Variants in CTNNA3 observed in about 807,000 individuals in gnomAD.
CTNNA3 encodes the protein catenin alpha-3.
CTNNA3 carries 76 observed loss-of-function variants against 95.7 expected under a neutral mutation model. The observed-to-expected ratio is 0.79, with a 90% CI of 0.66 to 0.96. The LOEUF is 0.96. Ranked by LOEUF, CTNNA3 falls within the 40% of genes least tolerant of loss-of-function variation. CTNNA3 has a pLI of 0.00. For missense variants in CTNNA3, 1,191 were observed against 1,089.8 expected (o/e 1.09, Z -1.31); for synonymous variants, 431 against 374.4 (o/e 1.15, Z -1.74).
chr10:66,666,101 A>T (rs1414201120), intron 9 of CTNNA3, among the ~76,000 whole-genome samples: 3 of 152,166 alleles, frequency 2.0e-5, no homozygotes, highest in Admixed American at 6.5e-5. Flanking sequence ...GTTGGTAACC[A>T]GTTGGGGCCA....
chr10:66,521,784 C>T (rs1841075783), intron 10 of CTNNA3, among the ~76,000 whole-genome samples: 1 of 152,160 alleles, frequency 6.6e-6, no homozygotes, highest in Non-Finnish European at 1.5e-5. Context: ...TTCCAACTCT[C>T]AGTAGCCATT....
chr10:66,428,109 T>A (rs1227880657), intron 11 of CTNNA3, among the ~76,000 whole-genome samples: 4 of 152,062 alleles, frequency 2.6e-5, no homozygotes, highest in Non-Finnish European at 4.4e-5. Flanking sequence ...AATCCTAGTC[T>A]CTGATAAAAC....
At chr10:67,498,920 C>G (rs1220674232) in intron 5 of CTNNA3, among the ~76,000 whole-genome samples, 1 of 152,152 alleles carries the variant, frequency 6.6e-6, no homozygotes. Flanking sequence ...TTTGAATATG[C>G]TTTATTTCTT....
intron 12 of CTNNA3, among the ~76,000 whole-genome samples, chr10:66,331,869 T>C (rs1368953874): frequency 2.6e-5 from 4 of 152,078 alleles, no homozygotes; most frequent in African/African-American, 9.7e-5. Flanking sequence ...GGGGATGGCA[T>C]TGAATCTATA....
chr10:66,768,392 G>C (rs1396521313), intron 8 of CTNNA3, among the ~76,000 whole-genome samples: 1 of 152,096 alleles, frequency 6.6e-6, no homozygotes, highest in Non-Finnish European at 1.5e-5. Flanking sequence ...GGACCTCTTA[G>C]GAAACACTAT....
At chr10:67,392,474 C>T (rs1484303825) in intron 5 of CTNNA3, among the ~76,000 whole-genome samples, 1 of 152,220 alleles carries the variant, frequency 6.6e-6, no homozygotes, top group Non-Finnish European at 1.5e-5. Context: ...TAAACTACTT[C>T]AACCATTGTG....
intron 13 of CTNNA3, among the ~76,000 whole-genome samples, chr10:66,105,482 A>G (rs868203059): frequency 2.2e-4 from 34 of 152,144 alleles, no homozygotes; most frequent in African/African-American, 7.2e-4. Flanking sequence ...TCTGCTGTTT[A>G]TTACTTGGGT....
intron 10 of CTNNA3, among the ~76,000 whole-genome samples, chr10:66,529,647 T>C (rs1047773352): frequency 1.3e-5 from 2 of 152,080 alleles, no homozygotes; most frequent in Non-Finnish European, 2.9e-5. Context: ...GTAGGAGTTA[T>C]AAAAATAACA....
intron 13 of CTNNA3, among the ~76,000 whole-genome samples, chr10:66,230,648 C>T (rs1464622219): frequency 1.3e-5 from 2 of 152,020 alleles, no homozygotes; most frequent in South Asian, 2.1e-4. Context: ...TGACAGGCTC[C>T]TCATGGGACA....
chr10:67,187,635 G>A (rs755668929), intron 6 of CTNNA3, among the ~76,000 whole-genome samples: 1 of 151,866 alleles, frequency 6.6e-6, no homozygotes, highest in Non-Finnish European at 1.5e-5. Context: ...CACCCAGGCT[G>A]AGTGCAGTTG....
At chr10:66,083,661 C>A (rs1277677665) in intron 14 of CTNNA3, among the ~76,000 whole-genome samples, 1 of 152,272 alleles carries the variant, frequency 6.6e-6, no homozygotes, top group Non-Finnish European at 1.5e-5. Flanking sequence ...TTCTTCTACG[C>A]TAGTTATGAC....
At chr10:67,584,887 T>C (rs1009718521) in intron 3 of CTNNA3, among the ~76,000 whole-genome samples, 1 of 152,242 alleles carries the variant, frequency 6.6e-6, no homozygotes, top group Admixed American at 6.5e-5. Flanking sequence ...TATAATCTCC[T>C]GGTGTGCCGT....
intron 13 of CTNNA3, among the ~76,000 whole-genome samples, chr10:66,110,310 C>T (rs1250184263): frequency 1.4e-5 from 2 of 146,692 alleles, no homozygotes; most frequent in African/African-American, 5.1e-5. Flanking sequence ...TGCAGTGAGC[C>T]AATATCATGC....
intron 11 of CTNNA3, among the ~76,000 whole-genome samples, chr10:66,398,095 A>T (rs2092993365): frequency 6.6e-6 from 1 of 151,922 alleles, no homozygotes; most frequent in South Asian, 2.1e-4. Context: ...ACCAATTTAC[A>T]AATATTATTT....
intron 10 of CTNNA3, among the ~76,000 whole-genome samples, chr10:66,577,747 A>G (rs1461460844): frequency 7.9e-5 from 12 of 152,072 alleles, no homozygotes. Context: ...GTTTTAAGTC[A>G]GGTAGTGTAA....
At chr10:67,014,041 G>T (rs116207403) in intron 7 of CTNNA3, among the ~76,000 whole-genome samples, 2,466 of 152,246 alleles carry the variant, frequency 0.016, 83 homozygotes, top group African/African-American at 0.055. Context: ...GAGACAAAAG[G>T]GGGAGTGTAA....
intron 13 of CTNNA3, among the ~76,000 whole-genome samples, chr10:66,276,832 T>C (rs1297153606): frequency 4.6e-5 from 7 of 152,014 alleles, no homozygotes; most frequent in Admixed American, 4.6e-4. Context: ...TATTGTTTAT[T>C]AAGCATTTCA....
At chr10:66,102,238 T>A (rs565886777) in intron 14 of CTNNA3, among the ~76,000 whole-genome samples, 128 of 152,286 alleles carry the variant, frequency 8.4e-4, no homozygotes, top group Middle Eastern at 3.4e-3. Context: ...TTAATAATGA[T>A]GATCATGATA....
intron 5 of CTNNA3, among the ~76,000 whole-genome samples, chr10:67,333,101 GACT>G (rs746784093): frequency 1.3e-5 from 2 of 152,148 alleles, no homozygotes; most frequent in Non-Finnish European, 2.9e-5. Context: ...GTGTAAGCAT[GACT>G]ACTTTCAAAT....
Sources: allele counts gnomAD v4.1 joint callset (sites outside exome capture counted in the v4.1 genomes callset), GRCh38; gene constraint gnomAD v4.1.1; transcripts MANE v1.5; gene names NCBI Gene and HGNC (gene_info 2026-07-23, HGNC 2026-07-21).